MTRFR: variants seen among roughly 807,000 people sequenced by gnomAD.
MTRFR encodes probable peptide chain release factor C12orf65, mitochondrial.
MTRFR carries 10 observed loss-of-function variants against 11.9 expected under a neutral mutation model. That is an observed-to-expected ratio of 0.84 (90% CI 0.52 to 1.42). The LOEUF (loss-of-function observed/expected upper bound fraction) is 1.42, where lower values mean the gene tolerates loss of function less well. MTRFR is among the 40% of genes most tolerant of loss of function. The pLI, the probability that MTRFR is intolerant of heterozygous loss-of-function variation, is 0.00. For synonymous variants in MTRFR, 77 were observed against 79.1 expected (o/e 0.97, Z 0.14); for missense variants, 196 against 197.9 (o/e 0.99, Z 0.06).
chr12:123,256,371 G>A (rs978970003), intron 2 of MTRFR, among the ~76,000 whole-genome samples: 2 of 152,124 alleles, frequency 1.3e-5, no homozygotes, highest in Admixed American at 6.5e-5. Flanking sequence ...ATACAGCAAG[G>A]GTATGGGACA....
At chr12:123,252,155 T>G (rs2048121280) in intron 1 of MTRFR, 1 of 152,304 alleles carries the variant, frequency 6.6e-6, no homozygotes, top group South Asian at 2.1e-4. Flanking sequence ...GTTGACTGGC[T>G]GGATGCAGTG....
At chr12:123,243,003 G>T (rs920039627) in intron 1 of MTRFR, among the ~76,000 whole-genome samples, 4 of 152,186 alleles carry the variant, frequency 2.6e-5, no homozygotes, top group African/African-American at 9.7e-5. Flanking sequence ...ATAAGTTTTG[G>T]ACATTGACTT....
intron 1 of MTRFR, among the ~76,000 whole-genome samples, chr12:123,246,702 A>C (rs2048045194): frequency 7.4e-6 from 1 of 134,962 alleles, no homozygotes; most frequent in Non-Finnish European, 1.5e-5. Flanking sequence ...TGCTTGATAT[A>C]ATTTCAATTT....
At chr12:123,255,099 A>C (rs558232823) in intron 2 of MTRFR, 2 of 152,316 alleles carry the variant, frequency 1.3e-5, no homozygotes, top group Admixed American at 1.3e-4. Context: ...GTGTGGGAGG[A>C]ACTGTTCGAA....
chr12:123,247,920 G>A (rs954419547), intron 1 of MTRFR, among the ~76,000 whole-genome samples: 2 of 152,116 alleles, frequency 1.3e-5, no homozygotes, highest in East Asian at 1.9e-4. Context: ...ACTCCAGCCT[G>A]GGCAACAGAG....
At chr12:123,232,947 C>G (rs975805066), upstream of MTRFR, 4 of 152,442 alleles carry the variant, frequency 2.6e-5, no homozygotes, top group African/African-American at 7.2e-5. Flanking sequence ...GGGGTCAGGC[C>G]AATCGGCAGC....
At position 123,257,846 on chromosome 12, in the gene MTRFR, G is replaced by C. The variant is rs1403109687; in HGVS notation, c.*815G>C. The stretch of plus-strand genomic sequence containing the variant: ...GACAAAGTTCTGTTTCTTCACCTGG[G>C]TGGTAGTTAGAAGGGTGTCCCCGTA... On this transcript the variant is annotated 3_prime_UTR_variant, in exon 3 of 3. Transcript: ENST00000253233. 2 of 152,264 alleles carry C rather than the reference G, an allele frequency of 1.3e-5. No homozygotes were observed. The highest frequency in any genetic ancestry group is 2.9e-5 in the Non-Finnish European group (2 of 68,058). 9.4% of individuals were successfully genotyped at this position (152,264 alleles called of 1,614,324 possible). A position where few individuals can be genotyped will look rare whatever the true frequency, so the allele number is the denominator to read the frequency against.
At chr12:123,255,707 G>A (rs939998561) in intron 2 of MTRFR, among the ~76,000 whole-genome samples, 8 of 151,800 alleles carry the variant, frequency 5.3e-5, no homozygotes, top group African/African-American at 1.5e-4. Context: ...TCACTGCAAC[G>A]TCCGCCTCCT....
chr12:123,257,088 G>C lies in MTRFR; in HGVS notation c.*57G>C. The C allele has an allele frequency of 2.2e-6, 3 of 1,339,420 alleles. No individual in the cohort carries two copies. Among genetic ancestry groups the C allele is most frequent in the Non-Finnish European group, 3.2e-6 (3 of 939,730 alleles). The allele number at this position is 1,339,420 out of a possible 1,614,324, so 83.0% of individuals were successfully genotyped here. On this transcript the variant is annotated 3_prime_UTR_variant, in exon 3 of 3. Transcript: ENST00000253233. ...CTGCCAGAAGCTCCCAGGGAATAATGGTGGCGAGTTCCATCACCAGCATTA... is the reference window on the plus strand; with the variant it reads ...CTGCCAGAAGCTCCCAGGGAATAATCGTGGCGAGTTCCATCACCAGCATTA...
chr12:123,241,085 T>A (rs2047927800), intron 1 of MTRFR, among the ~76,000 whole-genome samples: 4 of 151,676 alleles, frequency 2.6e-5, no homozygotes, highest in Admixed American at 2.6e-4. Context: ...CTCTCCAAAG[T>A]GAGAGCTGTT....
intron 1 of MTRFR, among the ~76,000 whole-genome samples, chr12:123,237,386 C>T (rs2047868216): frequency 6.6e-6 from 1 of 152,158 alleles, no homozygotes; most frequent in African/African-American, 2.4e-5. Context: ...GCCAAGATCA[C>T]GCCATTGCAC....
chr12:123,253,107 T>TG lies in MTRFR; in HGVS notation c.-28-539dup, dbSNP rs1555237792. Reference sequence around the variant, plus strand: ...TTTTTTTTTTTTTTTTTTTTTTTTTTGAGACACTGTCTCGCTCTGTTGTCC... The same window carrying TG: ...TTTTTTTTTTTTTTTTTTTTTTTTTTGGAGACACTGTCTCGCTCTGTTGTCC... On this transcript the variant is annotated intron_variant, in intron 1 of 2. Coordinates refer to ENST00000253233, the MANE Select transcript of MTRFR (RefSeq NM_152269.5). Among the ~76,000 whole-genome samples the TG allele has an allele frequency of 1.5e-3, 92 of 63,344 alleles. 34 individuals are homozygous for TG. Among genetic ancestry groups the TG allele is most frequent in the South Asian group, 5.8e-3 (8 of 1,374 alleles). The allele number at this position is 63,344 out of a possible 152,430, so 41.6% of individuals were successfully genotyped here. A position where few individuals can be genotyped will look rare whatever the true frequency, so the allele number is the denominator to read the frequency against.
intron 1 of MTRFR, chr12:123,249,129 CAG>C (rs1203966599): frequency 1.3e-5 from 2 of 152,266 alleles, no homozygotes; most frequent in Non-Finnish European, 2.9e-5. Context: ...GAGCTAGACA[CAG>C]GGTGCTGATT....
upstream of MTRFR, chr12:123,233,368 T>C (rs2047757321): frequency 6.6e-6 from 1 of 152,238 alleles, no homozygotes; most frequent in Admixed American, 6.5e-5. Flanking sequence ...GAAGCTTCAG[T>C]TTCTCGCATG....
At chr12:123,241,043 C>G (rs977932042) in intron 1 of MTRFR, among the ~76,000 whole-genome samples, 2 of 150,736 alleles carry the variant, frequency 1.3e-5, no homozygotes, top group African/African-American at 2.4e-5. Context: ...TTCAGAGACA[C>G]GAAATGAAAG....
In MTRFR at chr12:123,240,892, T is replaced by C. The variant is rs573759486; in HGVS notation, c.-29+7361T>C. ...TGCACCCAGCTAATTTTTTGTATTT[T>C]TAGTAGAGATGGGATTTCACCATGT... On this transcript the variant is annotated intron_variant, in intron 1 of 2. Transcript: ENST00000253233. Among the ~76,000 whole-genome samples the C allele has an allele frequency of 7.2e-5, 11 of 152,072 alleles. No homozygotes were observed. In the South Asian group the frequency reaches 2.3e-3, roughly 32 times the overall value.
rs1416152112 is a variant in MTRFR, at chr12:123,244,924, C to A, written c.-28-8723C>A. ...GGGATTACAGGTATGAGCCACCGCA[C>A]CCGGCATTTTTTTTTTTTTTTTTTT... On this transcript the variant is annotated intron_variant, in intron 1 of 2. Coordinates refer to ENST00000253233, the MANE Select transcript of MTRFR (RefSeq NM_152269.5). 2.7e-5 allele frequency among the ~76,000 whole-genome samples: 3 copies of A among 110,938 alleles called. No homozygotes were observed. The Admixed American group carries it at 3.5e-4, about 13-fold the overall frequency. The allele number at this position is 110,938 out of a possible 152,430, so 72.8% of individuals were successfully genotyped here. A position where few individuals can be genotyped will look rare whatever the true frequency, so the allele number is the denominator to read the frequency against.
rs1305055671 is a variant in MTRFR at position 123,257,150 on chromosome 12, A to AAAAG, written c.*121_*124dup. ...CAAAAGAAATATTTTTGATGAACTT[A>AAAAG]AAAGACAACAAATTTATTTAAATGG... On this transcript the variant is annotated 3_prime_UTR_variant, in exon 3 of 3. Transcript: ENST00000253233. The AAAAG allele has an allele frequency of 1.2e-6, 1 of 815,920 alleles. No individual in the cohort carries two copies. The highest frequency in any genetic ancestry group is 1.7e-5 in the African/African-American group (1 of 57,984). 50.5% of individuals were successfully genotyped at this position (815,920 alleles called of 1,614,324 possible).
intron 1 of MTRFR, among the ~76,000 whole-genome samples, chr12:123,242,964 T>C (rs2047965532): frequency 6.6e-6 from 1 of 152,224 alleles, no homozygotes; most frequent in East Asian, 1.9e-4. Flanking sequence ...GAATTTTGTT[T>C]TGTGGATTGA....
Sources: gnomAD v4.1 joint callset for allele counts (sites outside exome capture counted in the v4.1 genomes callset) on GRCh38, gnomAD v4.1.1 for gene constraint, MANE v1.5 for transcripts, NCBI Gene and HGNC (gene_info 2026-07-23, HGNC 2026-07-21) for gene names.